The following ST8SIA5 variants were observed in gnomAD, a reference collection of about 807,000 sequenced individuals.
The protein encoded by ST8SIA5 is alpha-2,8-sialyltransferase 8E.
A neutral mutation model predicts 40.2 loss-of-function variants in ST8SIA5; 24 were observed. The observed-to-expected ratio is 0.60, with a 90% CI of 0.43 to 0.84. ST8SIA5 has a LOEUF of 0.84. ST8SIA5 is among the 40% of genes least tolerant of loss of function. ST8SIA5 has a pLI of 0.00. For synonymous variants in ST8SIA5, 198 were observed against 201.8 expected (o/e 0.98, Z 0.16); for missense variants, 465 against 498.5 (o/e 0.93, Z 0.64).
At chr18:46,734,157 A>G (rs1311661355) in intron 1 of ST8SIA5, among the ~76,000 whole-genome samples, 1 of 151,996 alleles carries the variant, frequency 6.6e-6, no homozygotes, top group Non-Finnish European at 1.5e-5. Flanking sequence ...GAACGGGCGC[A>G]ATGACCAGGT....
rs1226440209 is a variant in ST8SIA5, at chr18:46,668,202, T to A, written c.*11840A>T. The A allele has an allele frequency of 6.6e-6, 1 of 152,182 alleles. No homozygotes were observed. Among genetic ancestry groups the A allele is most frequent in the Non-Finnish European group, 1.5e-5 (1 of 68,032 alleles). The allele number at this position is 152,182 out of a possible 1,614,324, so 9.4% of individuals were successfully genotyped here. A position where few individuals can be genotyped will look rare whatever the true frequency, so the allele number is the denominator to read the frequency against. On this transcript the variant is annotated 3_prime_UTR_variant, in exon 7 of 7. Coordinates refer to ENST00000315087, the MANE Select transcript of ST8SIA5 (RefSeq NM_013305.6). ...TCTCAGGCCTCCCTTCTCTTCTCCATCGGGAAAGGCTCCACGGAGCGCAGT... is the reference window on the plus strand; with the variant it reads ...TCTCAGGCCTCCCTTCTCTTCTCCAACGGGAAAGGCTCCACGGAGCGCAGT...
In ST8SIA5 at chr18:46,686,270, C is replaced by T. The variant is rs576254578; in HGVS notation, c.473G>A (p.Arg158Gln). The T allele has an allele frequency of 3.2e-5, 51 of 1,614,082 alleles. No individual in the cohort carries two copies. The East Asian group carries it at 8.7e-4, about 28-fold the overall frequency. ...TACAGCACACTTCTTAAACTGGGAC[C>T]GGTAGTAGGGCATGTCCTGGGGGAG... ...RMFPKDMPYY[R>Q]SQFKKCAVVG... is the part of the protein sequence containing the mutation. Residue 158 changes from arginine to glutamine, a missense_variant, in exon 5 of 7, where the codon CGG becomes CAG. Arg to Gln is a conservative substitution (Grantham distance 43, BLOSUM62 1). Transcript: ENST00000315087.
intron 1 of ST8SIA5, 68 bp downstream of exon 1, chr18:46,756,310 C>T (rs2040245283): frequency 1.3e-6 from 2 of 1,591,724 alleles, no homozygotes; most frequent in Non-Finnish European, 1.7e-6. Flanking sequence ...GAAGCTGCCG[C>T]GGCCACTGCC....
In ST8SIA5 at chr18:46,747,390, C is replaced by G. The variant is rs536807537; in HGVS notation, c.131+8988G>C. Among the ~76,000 whole-genome samples, 3 of 152,124 alleles carry G rather than the reference C, an allele frequency of 2.0e-5. No homozygotes were observed. The South Asian group carries it at 6.2e-4, about 32-fold the overall frequency. On this transcript the variant is annotated intron_variant, in intron 1 of 6. Coordinates refer to ENST00000315087, the MANE Select transcript of ST8SIA5 (RefSeq NM_013305.6). The stretch of plus-strand genomic sequence containing the variant: ...AATTTACAAGAAAAAAACAAACAAC[C>G]CCACCTAAAAGTGGGCAAAGGATAT...
chr18:46,725,970 A>ATATATATAT lies in ST8SIA5; in HGVS notation c.132-21307_132-21306insATATATATA, dbSNP rs58550909. Among the ~76,000 whole-genome samples, 14 of 31,764 alleles carry ATATATATAT rather than the reference A, an allele frequency of 4.4e-4. 1 individual carries two copies. The highest frequency in any genetic ancestry group is 6.3e-4 in the Non-Finnish European group (12 of 19,002). 20.8% of individuals were successfully genotyped at this position (31,764 alleles called of 152,430 possible). A position where few individuals can be genotyped will look rare whatever the true frequency, so the allele number is the denominator to read the frequency against. The stretch of plus-strand genomic sequence containing the variant: ...ACCCCATCTCTACTTAAAAAAAAAA[A>ATATATATAT]AAATATATATATATATATATATATA... On this transcript the variant is annotated intron_variant, in intron 1 of 6. Coordinates refer to ENST00000315087, the MANE Select transcript of ST8SIA5 (RefSeq NM_013305.6).
chr18:46,752,192 T>C (rs2040202025), intron 1 of ST8SIA5, among the ~76,000 whole-genome samples: 1 of 152,180 alleles, frequency 6.6e-6, no homozygotes, highest in Non-Finnish European at 1.5e-5. Flanking sequence ...TTCCCCTTTC[T>C]TGAAGACCCC....
At chr18:46,699,664 C>G (rs1188836140) in intron 2 of ST8SIA5, among the ~76,000 whole-genome samples, 2 of 152,230 alleles carry the variant, frequency 1.3e-5, no homozygotes, top group Non-Finnish European at 2.9e-5. Flanking sequence ...CAGGCATGAG[C>G]CACCGCGCCC....
chr18:46,746,463 C>G (rs2040141728), intron 1 of ST8SIA5, among the ~76,000 whole-genome samples: 1 of 152,140 alleles, frequency 6.6e-6, no homozygotes, highest in African/African-American at 2.4e-5. Flanking sequence ...AACTCCCATC[C>G]ACAATTGCTA....
intron 6 of ST8SIA5, among the ~76,000 whole-genome samples, chr18:46,681,057 G>A (rs1307251857): frequency 6.6e-6 from 1 of 152,132 alleles, no homozygotes; most frequent in African/African-American, 2.4e-5. Context: ...GTGCAGCCTT[G>A]AAATCCTGGG....
In ST8SIA5 at chr18:46,740,984, G is replaced by C. The variant is rs149744382; in HGVS notation, c.131+15394C>G. Among the ~76,000 whole-genome samples, 296 of 152,186 alleles carry C rather than the reference G, an allele frequency of 1.9e-3. 3 individuals carry two copies. Among genetic ancestry groups the C allele is most frequent in the Non-Finnish European group, 3.0e-3 (205 of 67,992 alleles). On this transcript the variant is annotated intron_variant, in intron 1 of 6. Transcript: ENST00000315087. ...TTTATAACTTCAAAAGTTTACATTA[G>C]AAAATAGAAAGACTGTTAACTGAAG...
intron 1 of ST8SIA5, chr18:46,730,352 T>TGA: frequency 1.5e-6 from 1 of 683,742 alleles, no homozygotes; most frequent in Non-Finnish European, 1.8e-6. Flanking sequence ...AACCTAAGGA[T>TGA]ATAAACAGTC....
intron 1 of ST8SIA5, among the ~76,000 whole-genome samples, chr18:46,724,888 T>C (rs1323146962): frequency 3.3e-5 from 5 of 151,668 alleles, no homozygotes; most frequent in Non-Finnish European, 5.9e-5. Flanking sequence ...GGCATGAGAA[T>C]CACTTGAACC....
intron 2 of ST8SIA5, among the ~76,000 whole-genome samples, chr18:46,699,578 A>G (rs2039590695): frequency 1.3e-5 from 2 of 152,032 alleles, no homozygotes; most frequent in Non-Finnish European, 2.9e-5. Context: ...ACGGGGTTTC[A>G]CAGTGTTAGC....
chr18:46,755,072 C>T (rs991073785), intron 1 of ST8SIA5, among the ~76,000 whole-genome samples: 11 of 152,360 alleles, frequency 7.2e-5, no homozygotes, highest in Admixed American at 5.9e-4. Flanking sequence ...AGGGAACGCT[C>T]CCTGGGAAGG....
chr18:46,740,808 A>G (rs1459224976), intron 1 of ST8SIA5, among the ~76,000 whole-genome samples: 1 of 152,180 alleles, frequency 6.6e-6, no homozygotes, highest in East Asian at 1.9e-4. Context: ...AACAGTATCT[A>G]TTACTTGTGT....
At chr18:46,753,235 T>A (rs2040211121) in intron 1 of ST8SIA5, among the ~76,000 whole-genome samples, 1 of 152,198 alleles carries the variant, frequency 6.6e-6, no homozygotes, top group African/African-American at 2.4e-5. Flanking sequence ...ACATCTTATG[T>A]GCTGGACACC....
chr18:46,680,847 A>G (rs2039387353), intron 6 of ST8SIA5, among the ~76,000 whole-genome samples: 1 of 152,208 alleles, frequency 6.6e-6, no homozygotes, highest in South Asian at 2.1e-4. Flanking sequence ...GGCTTGCTCT[A>G]GAGGCCTCAC....
At chr18:46,729,392 T>TTGAGGTTCTAGAACTATGGGATCC (rs11268051) in intron 1 of ST8SIA5, among the ~76,000 whole-genome samples, 43,892 of 151,896 alleles carry the variant, frequency 0.29, 6,669 homozygotes, top group South Asian at 0.46. Flanking sequence ...GGTGGGTGCC[T>TTGAGGTTCTAGAACTATGGGATCC]TGAACTCCAC....
At chr18:46,709,108 A>G (rs1240985747) in intron 1 of ST8SIA5, among the ~76,000 whole-genome samples, 1 of 152,134 alleles carries the variant, frequency 6.6e-6, no homozygotes, top group African/African-American at 2.4e-5. Flanking sequence ...TGAGGTTGCT[A>G]TGGTCTAAAT....
Sources: allele counts gnomAD v4.1 joint callset (sites outside exome capture counted in the v4.1 genomes callset), GRCh38; gene constraint gnomAD v4.1.1; transcripts MANE v1.5; gene names NCBI Gene and HGNC (gene_info 2026-07-23, HGNC 2026-07-21).